NDUFA10: variants seen among roughly 807,000 people sequenced by gnomAD.
NDUFA10 encodes the protein NADH:ubiquinone oxidoreductase subunit A10.
Under a neutral mutation model 47.8 loss-of-function variants are expected in NDUFA10, and 40 were observed. The ratio of observed to expected loss-of-function variants is 0.84; its 90% confidence interval spans 0.65 to 1.09. The LOEUF (loss-of-function observed/expected upper bound fraction) is 1.09. Among genes scored for constraint, NDUFA10 ranks in the 50% least tolerant of loss-of-function variants. The pLI is 0.00. For missense variants in NDUFA10, 413 were observed against 451.1 expected (o/e 0.92, Z 0.76); for synonymous variants, 183 against 172.2 (o/e 1.06, Z -0.49).
At chr2:240,009,472 A>G (rs1697061779) in intron 6 of NDUFA10, among the ~76,000 whole-genome samples, 1 of 152,264 alleles carries the variant, frequency 6.6e-6, no homozygotes, top group Non-Finnish European at 1.5e-5. Context: ...GATCTGGGTC[A>G]TAAATATTGA....
chr2:239,979,905 C>G (rs1695700221), intron 9 of NDUFA10, among the ~76,000 whole-genome samples: 1 of 152,138 alleles, frequency 6.6e-6, no homozygotes. Context: ...TCACACCTCA[C>G]CATGACGGGC....
intron 4 of NDUFA10, among the ~76,000 whole-genome samples, chr2:239,902,797 C>T (rs13389248): frequency 0.73 from 111,275 of 152,038 alleles, 41,909 homozygotes; most frequent in East Asian, 0.89. Flanking sequence ...ACAAAGCACC[C>T]AGACCTGCAG....
chr2:239,942,490 C>G (rs909764765), intron 4 of NDUFA10, among the ~76,000 whole-genome samples: 2 of 152,214 alleles, frequency 1.3e-5, no homozygotes, highest in African/African-American at 4.8e-5. Flanking sequence ...GGTTCTGACA[C>G]TGTTTCGGTT....
At chr2:239,936,941 CAG>C (rs1231795723) in intron 4 of NDUFA10, among the ~76,000 whole-genome samples, 1 of 152,166 alleles carries the variant, frequency 6.6e-6, no homozygotes, top group Non-Finnish European at 1.5e-5. Context: ...GCCTGGGTGA[CAG>C]AGAGAGACCC....
chr2:239,915,426 A>ACAC (rs201337021), intron 4 of NDUFA10, among the ~76,000 whole-genome samples: 2 of 143,566 alleles, frequency 1.4e-5, no homozygotes, highest in South Asian at 2.3e-4. Flanking sequence ...ACACAGACAC[A>ACAC]AATATACAGA....
In NDUFA10 at chr2:240,019,818, CAAAAAAAAAAAAAAAAAAA is replaced by C. The variant is rs60278142; in HGVS notation, c.461-1198_461-1180del. ...TGGGCGACAGAGCGAGACTCCGTCTCAAAAAAAAAAAAAAAAAAAAAAAAAAAAAAAGAACGTGGAGTAA... is the reference window on the plus strand; with the variant it reads ...TGGGCGACAGAGCGAGACTCCGTCTCAAAAAAAAAAAAGAACGTGGAGTAA... On this transcript the variant is annotated intron_variant, in intron 3 of 9. Transcript: ENST00000252711. Among the ~76,000 whole-genome samples the C allele has an allele frequency of 6.5e-4, 8 of 12,222 alleles. 2 individuals carry two copies. Among genetic ancestry groups the C allele is most frequent in the Non-Finnish European group, 1.2e-3 (8 of 6,926 alleles). The allele number at this position is 12,222 out of a possible 152,430, so 8.0% of individuals were successfully genotyped here.
intron 4 of NDUFA10, among the ~76,000 whole-genome samples, chr2:239,951,971 G>T (rs532726207): frequency 6.6e-6 from 1 of 152,354 alleles, no homozygotes; most frequent in African/African-American, 2.4e-5. Context: ...ATGCCCTTTG[G>T]TCTCTTTCCC....
intron 8 of NDUFA10, among the ~76,000 whole-genome samples, chr2:240,001,947 C>T (rs2369088): frequency 0.69 from 104,374 of 152,098 alleles, 36,015 homozygotes; most frequent in East Asian, 0.76. Flanking sequence ...CACTGTAACC[C>T]TTGGCCATTG....
intron 4 of NDUFA10, among the ~76,000 whole-genome samples, chr2:239,938,474 T>C (rs1450506766): frequency 6.6e-6 from 1 of 152,232 alleles, no homozygotes; most frequent in Non-Finnish European, 1.5e-5. Flanking sequence ...TGTCAGAGGC[T>C]GTATGATCAA....
intron 5 of NDUFA10, chr2:240,012,801 G>A (rs116250609): frequency 2.0e-5 from 3 of 152,338 alleles, no homozygotes; most frequent in African/African-American, 7.2e-5. Flanking sequence ...TCAAAAGGGG[G>A]AAAGGCAGTA....
intron 5 of NDUFA10, among the ~76,000 whole-genome samples, chr2:239,894,019 CCT>C (rs1693344895): frequency 7.4e-6 from 1 of 135,784 alleles, no homozygotes. Context: ...AGCCTCATTC[CCT>C]CTCCCTGCCT....
rs950910994 is a variant in NDUFA10 at position 239,987,768 on chromosome 2, C to T, written c.999+2306G>A. On this transcript the variant is annotated intron_variant, in intron 9 of 9. Coordinates refer to ENST00000252711, the MANE Select transcript of NDUFA10 (RefSeq NM_004544.4). This position sits in a 1 kb window ranked among gnomAD's most constrained non-coding sequence, Gnocchi z 4.8. ...CAGGCAGAGCTGCCGAGCACAGCTC[C>T]GAACAGTCGCAGATGCCTGTGGGAC... is the stretch of plus-strand genomic sequence containing the variant. Among the ~76,000 whole-genome samples, 17 of 152,104 alleles carry T rather than the reference C, an allele frequency of 1.1e-4. No individual in the cohort carries two copies. Among genetic ancestry groups the T allele is most frequent in the African/African-American group, 4.1e-4 (17 of 41,414 alleles).
At chr2:239,975,208 T>G (rs959252441) in intron 9 of NDUFA10, among the ~76,000 whole-genome samples, 3 of 152,382 alleles carry the variant, frequency 2.0e-5, no homozygotes, top group Middle Eastern at 6.8e-3. Flanking sequence ...CTTATTAGGA[T>G]GTACCTGCTT....
In NDUFA10 at chr2:239,961,151, G is replaced by T; in HGVS notation, c.1035C>A (p.Thr345=). The T allele has an allele frequency of 6.2e-7, 1 of 1,614,150 alleles. No homozygotes were observed. The highest frequency in any genetic ancestry group is 1.7e-5 in the Admixed American group (1 of 60,018). The part of the protein sequence containing the change: ...PGRKYSPGYN[T]EVGDKWIWLK ...GCCAGATCCACTTGTCTCCCACCTC[G>T]GTGTTGTACCCAGGGCTGTACTTGC... Residue 345 remains threonine (T), a synonymous_variant, in exon 10 of 10, where the codon ACC becomes ACA. Coordinates refer to ENST00000252711, the MANE Select transcript of NDUFA10 (RefSeq NM_004544.4).
At chr2:240,019,950 A>G (rs1697551493) in intron 3 of NDUFA10, among the ~76,000 whole-genome samples, 1 of 152,144 alleles carries the variant, frequency 6.6e-6, no homozygotes, top group Admixed American at 6.5e-5. Flanking sequence ...ACAGCAGACC[A>G]CATTGTTTTC....
intron 6 of NDUFA10, among the ~76,000 whole-genome samples, chr2:240,010,199 A>T (rs1697087133): frequency 1.3e-5 from 2 of 152,226 alleles, no homozygotes; most frequent in Non-Finnish European, 2.9e-5. Flanking sequence ...CCATCAATCC[A>T]TACGGCTTGA....
intron 4 of NDUFA10, among the ~76,000 whole-genome samples, chr2:239,905,654 C>G (rs1218695592): frequency 6.6e-6 from 1 of 152,156 alleles, no homozygotes; most frequent in African/African-American, 2.4e-5. Context: ...GTGGTCCCAT[C>G]TGTTAACAGA....
intron 4 of NDUFA10, among the ~76,000 whole-genome samples, chr2:239,913,086 G>A (rs1177499476): frequency 6.6e-6 from 1 of 152,224 alleles, no homozygotes; most frequent in Admixed American, 6.5e-5. Context: ...GAGTGGGGCT[G>A]TAGGATAACC....
intron 8 of NDUFA10, among the ~76,000 whole-genome samples, chr2:239,994,339 G>A (rs12466579): frequency 6.6e-6 from 1 of 151,618 alleles, no homozygotes; most frequent in Non-Finnish European, 1.5e-5. Context: ...GTCAGACCAG[G>A]GCAGCATGAG....
Sources: allele counts gnomAD v4.1 joint callset (sites outside exome capture counted in the v4.1 genomes callset), GRCh38; gene constraint gnomAD v4.1.1; non-coding constraint Gnocchi (gnomAD v3.1); transcripts MANE v1.5; gene names NCBI Gene and HGNC (gene_info 2026-07-23, HGNC 2026-07-21).